SPAG17: variants seen among roughly 807,000 people sequenced by gnomAD.
SPAG17 encodes the protein sperm-associated antigen 17.
SPAG17 carries 169 observed loss-of-function variants against 273.6 expected under a neutral mutation model. That is an observed-to-expected ratio of 0.62 (90% CI 0.55 to 0.70). The LOEUF is 0.70. SPAG17 is among the 30% of genes least tolerant of loss of function. SPAG17 has a pLI of 0.00. For synonymous variants in SPAG17, 825 were observed against 873.2 expected (o/e 0.94, Z 0.97); for missense variants, 2,557 against 2,627.8 (o/e 0.97, Z 0.59).
intron 32 of SPAG17, among the ~76,000 whole-genome samples, chr1:118,000,444 C>T (rs1658150082): frequency 6.6e-6 from 1 of 152,128 alleles, no homozygotes; most frequent in Non-Finnish European, 1.5e-5. Context: ...ATTGATTCTT[C>T]CTATCCATGA....
chr1:118,099,875 T>TG, intron 5 of SPAG17, 75 bp from the exon 6 acceptor site: 1 of 1,239,724 alleles, frequency 8.1e-7, no homozygotes, highest in Non-Finnish European at 1.1e-6. Flanking sequence ...GTTCAATGGC[T>TG]ATATACATTA....
intron 3 of SPAG17, among the ~76,000 whole-genome samples, chr1:118,133,703 T>C (rs899406119): frequency 6.6e-6 from 1 of 152,170 alleles, no homozygotes; most frequent in Non-Finnish European, 1.5e-5. Context: ...TGAGCCTTTG[T>C]TAGAAGTTTT....
intron 3 of SPAG17, among the ~76,000 whole-genome samples, chr1:118,147,695 G>A (rs1198139975): frequency 2.0e-5 from 3 of 152,260 alleles, no homozygotes; most frequent in East Asian, 1.9e-4. Flanking sequence ...AGGTTTCAGG[G>A]GAAATTACAC....
At position 118,084,732 on chromosome 1, in the gene SPAG17, G is replaced by A. The variant is rs529802513; in HGVS notation, c.1762+1190C>T. On this transcript the variant is annotated intron_variant, in intron 13 of 48. Transcript: ENST00000336338. The stretch of plus-strand genomic sequence containing the variant: ...GCAGATTGTACCATCAGACTTCTGA[G>A]GTGGCTTTCTTCCTGACTCCTGCTC... Among the ~76,000 whole-genome samples the A allele has an allele frequency of 9.2e-5, 14 of 152,262 alleles. No homozygotes were observed. In the East Asian group the frequency reaches 2.3e-3, roughly 25 times the overall value.
At position 117,963,908 on chromosome 1, in the gene SPAG17, C is replaced by T. The variant is rs142632361; in HGVS notation, c.6563G>A (p.Arg2188Gln). 48 of 1,613,724 alleles carry T rather than the reference C, an allele frequency of 3.0e-5. No individual in the cohort carries two copies. In the African/African-American group the frequency reaches 5.2e-4, roughly 17 times the overall value. ...TTTTCCCTGGGGAAAGTCTTTTGGT[C>T]GTTTATCATAATTGCTGCTTGTTAA... Reference protein sequence around the residue: ...TVLTSSNYDKRPKDFPQGKEN... With the variant: ...TVLTSSNYDKQPKDFPQGKEN... Residue 2188 changes from arginine (R) to glutamine (Q), a missense_variant, in exon 48 of 49, where the codon CGA (arginine) becomes CAA (glutamine). Coordinates refer to ENST00000336338, the MANE Select transcript of SPAG17 (RefSeq NM_206996.4).
intron 23 of SPAG17, among the ~76,000 whole-genome samples, chr1:118,037,991 A>C (rs1649285529): frequency 6.6e-6 from 1 of 152,204 alleles, no homozygotes; most frequent in Non-Finnish European, 1.5e-5. Flanking sequence ...TAAGAGAATA[A>C]AAAGAGAAGA....
intron 30 of SPAG17, among the ~76,000 whole-genome samples, chr1:118,008,711 A>G (rs1362861160): frequency 6.6e-6 from 1 of 152,110 alleles, no homozygotes; most frequent in Non-Finnish European, 1.5e-5. Flanking sequence ...ATGTTACTCT[A>G]TGTATTTATG....
At chr1:118,042,777 G>A (rs920238990) in intron 20 of SPAG17, among the ~76,000 whole-genome samples, 2 of 152,108 alleles carry the variant, frequency 1.3e-5, no homozygotes, top group African/African-American at 2.4e-5. Context: ...ATCCTCTAGT[G>A]GGTACTTAAA....
chr1:118,149,491 G>C (rs182731431), intron 3 of SPAG17, among the ~76,000 whole-genome samples: 9 of 152,278 alleles, frequency 5.9e-5, no homozygotes, highest in Admixed American at 1.3e-4. Context: ...AATGTTTCAA[G>C]TGGAGCACAC....
At chr1:118,093,020 T>C in intron 8 of SPAG17, 136 bp downstream of exon 8, 1 of 900,226 alleles carries the variant, frequency 1.1e-6, no homozygotes, top group South Asian at 2.1e-5. Context: ...ATCATGTAGC[T>C]ATCTTTTATG....
intron 15 of SPAG17, among the ~76,000 whole-genome samples, chr1:118,079,951 TTAAAA>T (rs1469200948): frequency 3.3e-5 from 5 of 152,254 alleles, no homozygotes; most frequent in African/African-American, 4.8e-5. Context: ...GTTTAATATG[TTAAAA>T]TAAACCTATA....
In SPAG17 at chr1:118,031,849, A is replaced by G; in HGVS notation, c.3452T>C (p.Leu1151Ser). 1 of 1,602,936 alleles carries G rather than the reference A, an allele frequency of 6.2e-7. No individual in the cohort carries two copies. Among genetic ancestry groups the G allele is most frequent in the Non-Finnish European group, 8.5e-7 (1 of 1,174,780 alleles). The change falls in exon 25 of 49, where the codon TTA (leucine) becomes TCA (serine). Residue 1151 changes from leucine (L) to serine (S), a missense_variant. Coordinates refer to ENST00000336338, the MANE Select transcript of SPAG17 (RefSeq NM_206996.4). ...GMAPEDKDPDLETILNIPSAL... is the reference protein window; with the variant it reads ...GMAPEDKDPDSETILNIPSAL... Reference sequence around the variant, plus strand: ...TGAAGGGATATTCAATATTGTTTCTAAATCAGGATCCTTATCTTCTATAAG... The same window carrying G: ...TGAAGGGATATTCAATATTGTTTCTGAATCAGGATCCTTATCTTCTATAAG...
chr1:118,140,635 TC>T (rs1345565090), intron 3 of SPAG17, among the ~76,000 whole-genome samples: 1 of 152,198 alleles, frequency 6.6e-6, no homozygotes, highest in Non-Finnish European at 1.5e-5. Context: ...GCCAAATTCT[TC>T]CTTCTAAATA....
At chr1:118,094,541 G>T (rs557085286) in intron 7 of SPAG17, among the ~76,000 whole-genome samples, 4 of 152,242 alleles carry the variant, frequency 2.6e-5, no homozygotes, top group Non-Finnish European at 5.9e-5. Context: ...CAAAGGGGAA[G>T]AGGGCTCCTT....
At chr1:118,087,312 C>T (rs1360119946) in intron 10 of SPAG17, 2 of 230,536 alleles carry the variant, frequency 8.7e-6, no homozygotes, top group African/African-American at 4.5e-5. Flanking sequence ...AGAATAATAA[C>T]ATTTTTTCTT....
rs144383868 is a variant in SPAG17, at chr1:117,989,294, G to A, written c.5522-1090C>T. On this transcript the variant is annotated intron_variant, in intron 38 of 48. Coordinates refer to ENST00000336338, the MANE Select transcript of SPAG17 (RefSeq NM_206996.4). ...GCAGGCTGTGCAAGAAGCATGGTGC[G>A]GTCATCTGCTTCTGGTGAGGACCTT... is the stretch of plus-strand genomic sequence containing the variant. 2.8e-3 allele frequency among the ~76,000 whole-genome samples: 424 copies of A among 152,168 alleles called. 4 individuals carry two copies. Among genetic ancestry groups the A allele is most frequent in the African/African-American group, 9.7e-3 (401 of 41,510 alleles).
chr1:118,170,105 A>C (rs945882035), intron 1 of SPAG17, among the ~76,000 whole-genome samples: 46 of 152,136 alleles, frequency 3.0e-4, no homozygotes, highest in African/African-American at 1.1e-3. Flanking sequence ...TTTCTGTAAA[A>C]CATCTAATTC....
chr1:117,987,244 G>A (rs770388903), intron 40 of SPAG17, among the ~76,000 whole-genome samples: 5 of 152,140 alleles, frequency 3.3e-5, no homozygotes, highest in Non-Finnish European at 7.3e-5. Flanking sequence ...GGTGACCCAT[G>A]AGGCTTAAAG....
intron 1 of SPAG17, among the ~76,000 whole-genome samples, chr1:118,160,212 A>G (rs1471528354): frequency 6.6e-6 from 1 of 152,210 alleles, no homozygotes; most frequent in Admixed American, 6.5e-5. Flanking sequence ...TCCTTCCTCA[A>G]GCACGAGACC....
Sources: allele counts gnomAD v4.1 joint callset (sites outside exome capture counted in the v4.1 genomes callset), GRCh38; gene constraint gnomAD v4.1.1; transcripts MANE v1.5; gene names NCBI Gene and HGNC (gene_info 2026-07-23, HGNC 2026-07-21).